DLG2: variants seen among roughly 807,000 people sequenced by gnomAD.
DLG2 encodes the protein discs large MAGUK scaffold protein 2, also known as disks large homolog 2.
A neutral mutation model predicts 132.5 loss-of-function variants in DLG2; 45 were observed. The ratio of observed to expected loss-of-function variants is 0.34; its 90% CI spans 0.27 to 0.44. The LOEUF (loss-of-function observed/expected upper bound fraction) is 0.44. Among genes scored for constraint, DLG2 ranks in the 20% least tolerant of loss-of-function variants. The probability of loss-of-function intolerance (pLI) is 1.00; values close to 1 mark genes in which losing one functional copy is unlikely to be tolerated. For missense variants in DLG2, 1,045 were observed against 1,196.9 expected, an observed-to-expected ratio of 0.87 and a Z score of 1.87; for synonymous variants, 424 against 419.6, an observed-to-expected ratio of 1.01 and a Z score of -0.13.
At chr11:83,731,294 C>G (rs540907432) in intron 18 of DLG2, among the ~76,000 whole-genome samples, 2 of 152,280 alleles carry the variant, frequency 1.3e-5, no homozygotes, top group South Asian at 2.1e-4. Context: ...CCTCTCCCCC[C>G]AGCCCCTGAC....
intron 11 of DLG2, among the ~76,000 whole-genome samples, chr11:83,988,864 C>G (rs2093524764): frequency 6.6e-6 from 1 of 152,102 alleles, no homozygotes; most frequent in African/African-American, 2.4e-5. Flanking sequence ...TCTCTTAGCA[C>G]TTATTACCTT....
intron 9 of DLG2, among the ~76,000 whole-genome samples, chr11:84,138,984 C>T (rs144689643): frequency 1.4e-4 from 21 of 149,122 alleles, no homozygotes; most frequent in Non-Finnish European, 2.7e-4. Context: ...ACTTTAACAA[C>T]TGGCCAATGG....
At chr11:84,618,641 A>G (rs2099608657) in intron 6 of DLG2, among the ~76,000 whole-genome samples, 1 of 152,094 alleles carries the variant, frequency 6.6e-6, no homozygotes, top group Non-Finnish European at 1.5e-5. Context: ...GCTCAAACTC[A>G]GAAGAGTCTT....
At chr11:84,831,006 G>T (rs1325700511) in intron 6 of DLG2, among the ~76,000 whole-genome samples, 5 of 119,520 alleles carry the variant, frequency 4.2e-5, no homozygotes, top group East Asian at 5.0e-4. Flanking sequence ...ATTGAAAAAA[G>T]AAGCACTTCA....
At chr11:85,035,781 C>T (rs767932777) in intron 6 of DLG2, among the ~76,000 whole-genome samples, 2 of 152,070 alleles carry the variant, frequency 1.3e-5, no homozygotes, top group South Asian at 2.1e-4. Flanking sequence ...TGGCTGGGCC[C>T]GATGAGGCTA....
At chr11:84,658,030 G>A (rs2099690275) in intron 6 of DLG2, among the ~76,000 whole-genome samples, 1 of 152,134 alleles carries the variant, frequency 6.6e-6, no homozygotes, top group Non-Finnish European at 1.5e-5. Flanking sequence ...TCTGGACAAT[G>A]TAATTTAAGT....
intron 7 of DLG2, among the ~76,000 whole-genome samples, chr11:84,381,473 A>G (rs1008660890): frequency 2.0e-5 from 3 of 152,146 alleles, no homozygotes; most frequent in Non-Finnish European, 4.4e-5. Flanking sequence ...AGCTATATAC[A>G]TGTTCTTCAT....
chr11:84,801,596 G>A (rs777877989), intron 6 of DLG2, among the ~76,000 whole-genome samples: 20 of 152,270 alleles, frequency 1.3e-4, no homozygotes, highest in Non-Finnish European at 2.8e-4. Flanking sequence ...AGTTGCTTTT[G>A]TCGCTGGAAT....
intron 4 of DLG2, among the ~76,000 whole-genome samples, chr11:85,219,112 C>T (rs919024765): frequency 4.6e-5 from 7 of 152,108 alleles, no homozygotes; most frequent in Non-Finnish European, 1.5e-5. Flanking sequence ...TGAAAAACTA[C>T]CTATCAGGTA....
intron 6 of DLG2, among the ~76,000 whole-genome samples, chr11:85,078,697 T>A (rs1051190066): frequency 1.3e-5 from 2 of 151,964 alleles, no homozygotes; most frequent in African/African-American, 4.8e-5. Context: ...AGAGGAATGG[T>A]CTTGAAACCA....
chr11:84,768,478 A>G (rs955985583), intron 6 of DLG2, among the ~76,000 whole-genome samples: 3 of 152,218 alleles, frequency 2.0e-5, no homozygotes, highest in Non-Finnish European at 2.9e-5. Context: ...GATAGTACAG[A>G]ATATTTGAAA....
At chr11:85,280,476 G>C (rs2078158154) in intron 4 of DLG2, among the ~76,000 whole-genome samples, 1 of 152,068 alleles carries the variant, frequency 6.6e-6, no homozygotes, top group Non-Finnish European at 1.5e-5. Flanking sequence ...GCTATACCAA[G>C]CAGCCTCCTT....
At chr11:84,009,983 A>T (rs909422657) in intron 11 of DLG2, among the ~76,000 whole-genome samples, 10 of 152,110 alleles carry the variant, frequency 6.6e-5, no homozygotes, top group African/African-American at 2.4e-4. Flanking sequence ...TCCTAAGCTT[A>T]TTGTTCTATT....
chr11:83,511,087 GACAC>G (rs60156321), intron 21 of DLG2, among the ~76,000 whole-genome samples: 1,544 of 138,556 alleles, frequency 0.011, 24 homozygotes, highest in African/African-American at 0.038. Flanking sequence ...CACACACACA[GACAC>G]ACACACACAC....
intron 7 of DLG2, among the ~76,000 whole-genome samples, chr11:84,264,179 G>T (rs1321499992): frequency 1.3e-5 from 2 of 152,106 alleles, no homozygotes; most frequent in Admixed American, 1.3e-4. Context: ...TGATGCCAAA[G>T]AATATACTCT....
chr11:84,498,884 CTG>C (rs759091639), intron 7 of DLG2, among the ~76,000 whole-genome samples: 8 of 152,070 alleles, frequency 5.3e-5, no homozygotes, highest in Non-Finnish European at 7.4e-5. Flanking sequence ...AATACTGAGA[CTG>C]GGGTTGGATG....
At chr11:84,792,399 GTGTCTGTCTGA>G (rs1565975673) in intron 6 of DLG2, among the ~76,000 whole-genome samples, 2 of 151,992 alleles carry the variant, frequency 1.3e-5, no homozygotes, top group East Asian at 3.8e-4. Flanking sequence ...TTTTATTGAT[GTGTCTGTCTGA>G]TTTTTGTATG....
At chr11:85,348,913 A>G (rs2083069572) in intron 3 of DLG2, among the ~76,000 whole-genome samples, 1 of 152,144 alleles carries the variant, frequency 6.6e-6, no homozygotes, top group Non-Finnish European at 1.5e-5. Flanking sequence ...TCTAACATGC[A>G]AATTTGATTA....
intron 6 of DLG2, among the ~76,000 whole-genome samples, chr11:84,773,717 G>C (rs1048702062): frequency 1.3e-5 from 2 of 152,092 alleles, no homozygotes; most frequent in African/African-American, 4.8e-5. Context: ...GGTGGAAAAA[G>C]ATTTCAGTAA....
Sources: gnomAD v4.1 joint callset for allele counts (sites outside exome capture counted in the v4.1 genomes callset) on GRCh38, gnomAD v4.1.1 for gene constraint, MANE v1.5 for transcripts, NCBI Gene and HGNC (gene_info 2026-07-23, HGNC 2026-07-21) for gene names.